The following RHBG variants were observed in gnomAD, a reference collection of about 807,000 sequenced individuals.
The protein encoded by RHBG is ammonium transporter Rh type B.
In RHBG, 39 loss-of-function variants were observed where a neutral mutation model predicts 40.1. The observed-to-expected ratio is 0.97, with a 90% CI of 0.75 to 1.27. The LOEUF is 1.27. RHBG is among the 50% of genes most tolerant of loss of function. The pLI is 0.00. For synonymous variants in RHBG, 237 were observed against 252.5 expected, an observed-to-expected ratio of 0.94 and a Z score of 0.58; for missense variants, 549 against 588.1, an observed-to-expected ratio of 0.93 and a Z score of 0.69.
chr1:156,384,682 C>T (rs1667926061), intron 9 of RHBG, 82 bp downstream of exon 9: 1 of 1,534,616 alleles, frequency 6.5e-7, no homozygotes, highest in Non-Finnish European at 8.9e-7. Flanking sequence ...CTTCTTCCTT[C>T]CTTGCTGCTC....
At chr1:156,370,775 G>A (rs1199350753) in intron 1 of RHBG, among the ~76,000 whole-genome samples, 1 of 151,962 alleles carries the variant, frequency 6.6e-6, no homozygotes, top group Non-Finnish European at 1.5e-5. Context: ...AGTTGTTCAC[G>A]ATCACCCATC....
In RHBG at chr1:156,377,630, G is replaced by A. The variant is rs887141128; in HGVS notation, c.374+143G>A. ...CTTGGTTTCTCTAGGTGTCCTGCCT[G>A]TCCTTATTGCCTGACTTCCTCTCCC... On this transcript the variant is annotated intron_variant, in intron 2 of 9. Coordinates refer to ENST00000537040, the MANE Select transcript of RHBG (RefSeq NM_020407.5). This position sits in a 1 kb window ranked among gnomAD's most constrained non-coding sequence, Gnocchi z 4.6. 2 of 838,792 alleles carry A rather than the reference G, an allele frequency of 2.4e-6. No homozygotes were observed. Among genetic ancestry groups the A allele is most frequent in the African/African-American group, 3.4e-5 (2 of 58,404 alleles). 52.0% of individuals were successfully genotyped at this position (838,792 alleles called of 1,614,324 possible). A position where few individuals can be genotyped will look rare whatever the true frequency, so the allele number is the denominator to read the frequency against.
rs181064189 is a variant in RHBG, at chr1:156,378,241, C to T, written c.526-11C>T. On this transcript the variant is annotated splice_polypyrimidine_tract_variant and intron_variant, in intron 3 of 9. Transcript: ENST00000537040. ...GGGGGCGGGGTGCTGCCTCTCACCC[C>T]ACCTCCCCAGGTGAGAGATGCCGGA... is the stretch of plus-strand genomic sequence containing the variant. The T allele has an allele frequency of 2.9e-4, 467 of 1,613,566 alleles. No homozygotes were observed. The highest frequency in any genetic ancestry group is 3.3e-4 in the Non-Finnish European group (386 of 1,179,866).
intron 4 of RHBG, among the ~76,000 whole-genome samples, chr1:156,379,667 A>G (rs1667476954): frequency 6.6e-6 from 1 of 152,144 alleles, no homozygotes; most frequent in Admixed American, 6.5e-5. Flanking sequence ...CCCTTCCTGG[A>G]TTCTCCCACA....
At chr1:156,378,905 G>C (rs768781919) in intron 4 of RHBG, among the ~76,000 whole-genome samples, 4 of 152,168 alleles carry the variant, frequency 2.6e-5, no homozygotes, top group African/African-American at 9.6e-5. Context: ...TCTCAGGCAG[G>C]GATAAGGAGA....
At position 156,377,984 on chromosome 1, in the gene RHBG, C is replaced by T; in HGVS notation, c.375-6C>T. 1 of 1,535,152 alleles carries T rather than the reference C, an allele frequency of 6.5e-7. No homozygotes were observed. The highest frequency in any genetic ancestry group is 8.8e-7 in the Non-Finnish European group (1 of 1,138,294). ...TCTTGTGCTCCCACTTCTGCCCCAT[C>T]CCCAGCATGATCAATGCTGACTTTT... On this transcript the variant is annotated splice_region_variant and splice_polypyrimidine_tract_variant and intron_variant, in intron 2 of 9. Coordinates refer to ENST00000537040, the MANE Select transcript of RHBG (RefSeq NM_020407.5). The surrounding 1 kb of genome is among the most constrained non-coding windows in gnomAD (Gnocchi z 4.6).
In RHBG at chr1:156,379,040, G is replaced by T. The variant is rs554782749; in HGVS notation, c.673+641G>T. On this transcript the variant is annotated intron_variant, in intron 4 of 9. Coordinates refer to ENST00000537040, the MANE Select transcript of RHBG (RefSeq NM_020407.5). Reference sequence around the variant, plus strand: ...GACAGAGTCTTGCTCTGTTGCCCAGGTTGGAGTGCAGTGGTGCGATCTCAG... The same window carrying T: ...GACAGAGTCTTGCTCTGTTGCCCAGTTTGGAGTGCAGTGGTGCGATCTCAG... Among the ~76,000 whole-genome samples, 9 of 151,440 alleles carry T rather than the reference G, an allele frequency of 5.9e-5. No individual in the cohort carries two copies. The East Asian group carries it at 1.5e-3, about 26-fold the overall frequency.
At chr1:156,384,089 C>T (rs1384023320) in intron 8 of RHBG, among the ~76,000 whole-genome samples, 1 of 152,042 alleles carries the variant, frequency 6.6e-6, no homozygotes, top group Non-Finnish European at 1.5e-5. Flanking sequence ...CTGCCTCAGC[C>T]TCCCAAAGTG....
intron 4 of RHBG, among the ~76,000 whole-genome samples, chr1:156,378,826 T>C (rs1667414670): frequency 6.6e-6 from 1 of 152,042 alleles, no homozygotes; most frequent in African/African-American, 2.4e-5. Flanking sequence ...TGCCGGCCCC[T>C]GGTGCTGCCT....
intron 1 of RHBG, among the ~76,000 whole-genome samples, chr1:156,374,410 T>C (rs116417628): frequency 0.015 from 2,276 of 152,146 alleles, 53 homozygotes; most frequent in African/African-American, 0.053. Context: ...TATTCCCCCT[T>C]CCCCCACTCT....
chr1:156,369,852 G>A (rs1666721789), intron 1 of RHBG, among the ~76,000 whole-genome samples: 1 of 152,104 alleles, frequency 6.6e-6, no homozygotes, highest in Non-Finnish European at 1.5e-5. Context: ...GCTCCACCCT[G>A]AGCATGGGAA....
intron 1 of RHBG, among the ~76,000 whole-genome samples, chr1:156,370,172 G>T (rs1666742366): frequency 6.6e-6 from 1 of 152,112 alleles, no homozygotes; most frequent in South Asian, 2.1e-4. Flanking sequence ...AATTAGGCCG[G>T]GCGCGGTGCC....
At chr1:156,382,611 C>T in intron 7 of RHBG, 137 bp from the exon 8 acceptor site, 1 of 1,072,868 alleles carries the variant, frequency 9.3e-7, no homozygotes, top group Non-Finnish European at 1.4e-6. Flanking sequence ...GAGACTCAGC[C>T]TGGCATGCAC....
chr1:156,378,956 G>A (rs777014215), intron 4 of RHBG, among the ~76,000 whole-genome samples: 18 of 152,070 alleles, frequency 1.2e-4, no homozygotes, highest in Non-Finnish European at 5.9e-5. Context: ...TAGGAGCTAG[G>A]AGCCCTGTCA....
At chr1:156,369,470 G>A in intron 1 of RHBG, 34 bp downstream of exon 1, 1 of 1,564,268 alleles carries the variant, frequency 6.4e-7, no homozygotes, top group South Asian at 1.2e-5. Flanking sequence ...GGGAAGCAAA[G>A]ACCCCAAGAT....
At position 156,381,838 on chromosome 1, in the gene RHBG, G is replaced by A; in HGVS notation, c.873G>A (p.Gly291=). Residue 291 remains glycine (G), a synonymous_variant, in exon 6 of 10, where the codon GGG becomes GGA. Transcript: ENST00000537040. The stretch of plus-strand genomic sequence containing the variant: ...TCCAAAATGCAGCGCTGGCTGGAGG[G>A]GTTGTGGTGGGGACCTCAAGTGAAA... ...VHIQNAALAG[G]VVVGTSSEMM... 6.3e-7 allele frequency: 1 copy of A among 1,594,172 alleles called. No homozygotes were observed. The highest frequency in any genetic ancestry group is 8.5e-7 in the Non-Finnish European group (1 of 1,175,340).
In RHBG at chr1:156,377,259, A is replaced by G. The variant is rs372126592; in HGVS notation, c.188-42A>G. ...GCTGACTGGATTGTGGGCTATGGCTAGAGCAGCCCCCAAGTGCCCCGCCTG... is the reference window on the plus strand; with the variant it reads ...GCTGACTGGATTGTGGGCTATGGCTGGAGCAGCCCCCAAGTGCCCCGCCTG... On this transcript the variant is annotated intron_variant, in intron 1 of 9. Coordinates refer to ENST00000537040, the MANE Select transcript of RHBG (RefSeq NM_020407.5). This position sits in a 1 kb window ranked among gnomAD's most constrained non-coding sequence, Gnocchi z 4.6. 31 of 1,592,506 alleles carry G rather than the reference A, an allele frequency of 1.9e-5. No homozygotes were observed. The highest frequency in any genetic ancestry group is 2.5e-5 in the Non-Finnish European group (29 of 1,164,374).
At position 156,377,248 on chromosome 1, in the gene RHBG, G is replaced by A; in HGVS notation, c.188-53G>A. 1.9e-6 allele frequency: 3 copies of A among 1,567,586 alleles called. No homozygotes were observed. The highest frequency in any genetic ancestry group is 1.3e-5 in the African/African-American group (1 of 74,268). ...CTGGCAGGGTAGCTGACTGGATTGT[G>A]GGCTATGGCTAGAGCAGCCCCCAAG... On this transcript the variant is annotated intron_variant, in intron 1 of 9. Coordinates refer to ENST00000537040, the MANE Select transcript of RHBG (RefSeq NM_020407.5). This position sits in a 1 kb window ranked among gnomAD's most constrained non-coding sequence, Gnocchi z 4.6.
chr1:156,381,650 T>A, intron 5 of RHBG, 137 bp downstream of exon 5: 1 of 1,381,168 alleles, frequency 7.2e-7, no homozygotes, highest in Non-Finnish European at 9.9e-7. Context: ...CTGGTGGCTA[T>A]GGGATCAGAA....
Sources: allele counts gnomAD v4.1 joint callset (sites outside exome capture counted in the v4.1 genomes callset), GRCh38; gene constraint gnomAD v4.1.1; non-coding constraint Gnocchi (gnomAD v3.1); transcripts MANE v1.5; gene names NCBI Gene and HGNC (gene_info 2026-07-23, HGNC 2026-07-21).